Variants in CIMAP1A observed in about 807,000 individuals in gnomAD.
The protein encoded by CIMAP1A is ciliary microtubule associated protein 1A.
At chr11:198,156 A>G in the CIMAP1A span, 3 of 1,597,138 alleles carry the variant, frequency 1.9e-6, no homozygotes, top group Middle Eastern at 1.7e-4. Context: ...TGGGCTGCAT[A>G]CCCACCTGCT....
At chr11:199,922 A>G in the CIMAP1A span, 54 of 1,613,350 alleles carry the variant, frequency 3.3e-5, 2 homozygotes, top group South Asian at 5.3e-4. Context: ...GCTGGTTCCT[A>G]TCATAGCCCC....
At chr11:199,744 T>C in the CIMAP1A span, 2 of 1,436,120 alleles carry the variant, frequency 1.4e-6, no homozygotes, top group African/African-American at 1.4e-5. Context: ...TTCAGGGACA[T>C]GGAAGCAGAG....
chr11:198,290 C>T, the CIMAP1A span: 3 of 1,613,980 alleles, frequency 1.9e-6, no homozygotes, highest in Middle Eastern at 1.6e-4. Flanking sequence ...TCCGAGTGGA[C>T]AGCACCCCAG....
At chr11:198,526 C>T in the CIMAP1A span, 3 of 1,613,054 alleles carry the variant, frequency 1.9e-6, no homozygotes, top group Non-Finnish European at 2.5e-6. Flanking sequence ...GGCCTCCCAG[C>T]CCTCCTTTTC....
At chr11:198,336 A>G in the CIMAP1A span, 1 of 1,613,574 alleles carries the variant, frequency 6.2e-7, no homozygotes, top group Non-Finnish European at 8.5e-7. Context: ...AGCCAAATGG[A>G]CCTGGGGATC....
chr11:198,885 A>G, the CIMAP1A span: 3 of 1,271,190 alleles, frequency 2.4e-6, no homozygotes, highest in Non-Finnish European at 3.0e-6. Context: ...CATGGAAAGA[A>G]GAGGAGGAGG....
the CIMAP1A span, chr11:200,237 T>C: frequency 3.5e-6 from 2 of 578,850 alleles, no homozygotes; most frequent in Non-Finnish European, 3.0e-6. Flanking sequence ...GCCCAAATTA[T>C]TAATAAATCA....
the CIMAP1A span, chr11:198,546 C>G: frequency 1.4e-4 from 229 of 1,612,474 alleles, no homozygotes; most frequent in South Asian, 7.9e-4. Flanking sequence ...CCATCAAGGG[C>G]CGCAGCAAGC....
the CIMAP1A span, chr11:197,889 C>A: frequency 2.7e-6 from 4 of 1,487,330 alleles, no homozygotes; most frequent in Non-Finnish European, 3.6e-6. Context: ...CCCGTCCCAT[C>A]TTTCTCTCTT....
the CIMAP1A span, chr11:198,473 C>T: frequency 4.3e-6 from 7 of 1,613,266 alleles, no homozygotes; most frequent in East Asian, 2.2e-5. Context: ...GGCCCCGCTG[C>T]GTACATGCTG....
the CIMAP1A span, chr11:199,775 C>T: frequency 1.4e-6 from 2 of 1,442,378 alleles, no homozygotes; most frequent in Non-Finnish European, 1.8e-6. Flanking sequence ...TTTCCCTAGA[C>T]ACTGTGACAG....
At chr11:199,495 C>T in the CIMAP1A span, 1 of 1,556,808 alleles carries the variant, frequency 6.4e-7, no homozygotes, top group East Asian at 2.4e-5. Context: ...ACCAGGCGCC[C>T]ACAGCCCTGA....
the CIMAP1A span, chr11:199,878 G>A: frequency 1.1e-5 from 17 of 1,587,868 alleles, no homozygotes; most frequent in Non-Finnish European, 1.5e-5. Flanking sequence ...CCCAGCCCCA[G>A]CCAGGGCAGA....
the CIMAP1A span, chr11:200,120 C>T: frequency 7.2e-7 from 1 of 1,388,844 alleles, no homozygotes; most frequent in Admixed American, 1.8e-5. Context: ...ACCAGCTGGG[C>T]TGGGCCAGCC....
the CIMAP1A span, chr11:198,314 C>A: frequency 2.5e-4 from 401 of 1,613,672 alleles, no homozygotes; most frequent in Admixed American, 3.5e-4. Context: ...CGCAGCAGCC[C>A]CAACCATCCT....
chr11:197,607 C>T, the CIMAP1A span: 1 of 1,613,490 alleles, frequency 6.2e-7, no homozygotes, highest in East Asian at 2.2e-5. Flanking sequence ...CGGCCTACAG[C>T]TTCCGTGGGG....
the CIMAP1A span, chr11:198,801 G>T: frequency 1.4e-6 from 2 of 1,419,744 alleles, no homozygotes; most frequent in Non-Finnish European, 1.8e-6. Context: ...CCCCAGCATG[G>T]ACCGTGCTGA....
chr11:199,001 T>A, the CIMAP1A span: 2 of 1,182,232 alleles, frequency 1.7e-6, no homozygotes, highest in South Asian at 2.4e-5. Flanking sequence ...GGGCCTGAGA[T>A]GGGGAAGCAG....
the CIMAP1A span, chr11:197,435 G>A: frequency 2.0e-5 from 32 of 1,597,810 alleles, no homozygotes; most frequent in Non-Finnish European, 2.6e-5. Flanking sequence ...AGAGACTGTG[G>A]GAGAGGGTCA....
Sources: gnomAD v4.1 joint callset for allele counts on GRCh38, gnomAD v4.1.1 for gene constraint, MANE v1.5 for transcripts, NCBI Gene and HGNC (gene_info 2026-07-23, HGNC 2026-07-21) for gene names.